SACS: variants seen among roughly 807,000 people sequenced by gnomAD.
SACS encodes sacsin.
SACS carries 197 observed loss-of-function variants against 348.0 expected under a neutral mutation model. The observed-to-expected ratio is 0.57, with a 90% CI of 0.50 to 0.64. The LOEUF is 0.64. Ranked by LOEUF, SACS falls within the 30% of genes least tolerant of loss-of-function variation. The probability of loss-of-function intolerance (pLI) is 0.00; values close to 1 mark genes in which losing one functional copy is unlikely to be tolerated. For missense variants in SACS, 4,999 were observed against 5,360.8 expected, an observed-to-expected ratio of 0.93 and a Z score of 2.11; for synonymous variants, 1,985 against 1,910.6, an observed-to-expected ratio of 1.04 and a Z score of -1.02.
At chr13:23,374,520 C>T (rs1871618113) in intron 3 of SACS, among the ~76,000 whole-genome samples, 1 of 152,222 alleles carries the variant, frequency 6.6e-6, no homozygotes, top group Admixed American at 6.5e-5. Flanking sequence ...ATGTCTTCAA[C>T]TGAACTCTCC....
chr13:23,334,945 T>C lies in SACS; in HGVS notation c.8931A>G (p.Leu2977=), dbSNP rs376228714. ...RLDLQPDLYC[L]VKALYNCIHE... ...GAATGCAATTGTAAAGTGCTTTCAC[T>C]AGACAATATAAATCTGGCTGTAGAT... The change falls in exon 10 of 10, where the codon CTA becomes CTG. Residue 2977 remains leucine (L), a synonymous_variant. Transcript: ENST00000382292. 86 of 1,613,810 alleles carry C rather than the reference T, an allele frequency of 5.3e-5. No homozygotes were observed. Among genetic ancestry groups the C allele is most frequent in the Non-Finnish European group, 6.3e-5 (74 of 1,179,866 alleles).
Position 23,399,081 on chromosome 13 carries a change from A to G in SACS, c.20+12139T>C, listed in dbSNP as rs141681500. On this transcript the variant is annotated intron_variant, in intron 2 of 9. Transcript: ENST00000382292. Reference sequence around the variant, plus strand: ...AGTTAATTATTGATAGAGCAGGAGCATCGCCATCTTGGACAAGCCCCTCAT... The same window carrying G: ...AGTTAATTATTGATAGAGCAGGAGCGTCGCCATCTTGGACAAGCCCCTCAT... Among the ~76,000 whole-genome samples the G allele has an allele frequency of 7.6e-4, 115 of 151,106 alleles. 1 individual carries two copies. The East Asian group carries it at 0.022, about 29-fold the overall frequency.
chr13:23,383,708 C>T lies in SACS; in HGVS notation c.21-8439G>A, dbSNP rs146894253. ...CCCCCCAACACTGTTTAAGGAAAAA[C>T]GGCAATAAGTCCAGGACAAACGACG... On this transcript the variant is annotated intron_variant, in intron 2 of 9. Coordinates refer to ENST00000382292, the MANE Select transcript of SACS (RefSeq NM_014363.6). Among the ~76,000 whole-genome samples, 530 of 152,286 alleles carry T rather than the reference C, an allele frequency of 3.5e-3. 5 individuals carry two copies. The highest frequency in any genetic ancestry group is 5.8e-3 in the Non-Finnish European group (396 of 68,024).
intron 1 of SACS, among the ~76,000 whole-genome samples, chr13:23,426,111 G>A (rs1300294631): frequency 3.3e-5 from 5 of 152,114 alleles, no homozygotes; most frequent in Admixed American, 1.3e-4. Context: ...TTTAAATCCC[G>A]GTGGCTCCCA....
chr13:23,341,744 T>C (rs1018234736), intron 9 of SACS, 54 bp from the exon 10 acceptor site: 13 of 1,377,726 alleles, frequency 9.4e-6, no homozygotes, highest in Non-Finnish European at 1.3e-5. Flanking sequence ...CTACAACAGC[T>C]TTCTATTCTC....
In SACS at chr13:23,340,282, T is replaced by G. The variant is rs990624842; in HGVS notation, c.3594A>C (p.Ser1198=). ...DVGHAILIGS[S]LPLVESIHVN... is the part of the protein sequence containing the mutation. ...CATGGATACTTTCAACAAGAGGAAG[T>G]GAGGAGCCAATGAGAATTGCATGGC... Residue 1198 remains serine (S), a synonymous_variant, in exon 10 of 10, where the codon TCA becomes TCC. Transcript: ENST00000382292. The G allele has an allele frequency of 6.2e-7, 1 of 1,613,438 alleles. No individual in the cohort carries two copies. Among genetic ancestry groups the G allele is most frequent in the African/African-American group, 1.3e-5 (1 of 74,930 alleles).
At chr13:23,358,275 A>G (rs1870515975) in intron 7 of SACS, 60 bp downstream of exon 7, 46 of 1,562,586 alleles carry the variant, frequency 2.9e-5, no homozygotes, top group South Asian at 1.4e-4. Context: ...AACCAAATAC[A>G]TTACAGAATG....
rs370754041 is a variant in SACS, at chr13:23,333,478, A to C, written c.10398T>G (p.Ile3466Met). 5 of 1,613,110 alleles carry C rather than the reference A, an allele frequency of 3.1e-6. No homozygotes were observed. The African/African-American group carries it at 6.7e-5, about 22-fold the overall frequency. The stretch of plus-strand genomic sequence containing the variant: ...CAAGATCATCTACAGGTACACAACC[A>C]ATCACCTCATATAGTTCTTTTAAGT... ...KIHLKELYEV[I>M]GCVPVDDLEV... The change falls in exon 10 of 10, where the codon ATT becomes ATG. Residue 3466 changes from isoleucine to methionine, a missense_variant. Ile to Met is a conservative substitution (Grantham distance 10). This residue lies in a region of SACS where 734 missense variants were observed against 694.0 expected (regional missense o/e 1.06). Transcript: ENST00000382292.
chr13:23,386,763 C>T (rs1267021084), intron 2 of SACS, among the ~76,000 whole-genome samples: 1 of 152,118 alleles, frequency 6.6e-6, no homozygotes, highest in Non-Finnish European at 1.5e-5. Context: ...AGGTGAGAGA[C>T]TTGCAACTCT....
chr13:23,336,617 T>C lies in SACS; in HGVS notation c.7259A>G (p.Asn2420Ser). The C allele has an allele frequency of 6.2e-7, 1 of 1,613,730 alleles. No homozygotes were observed. Among genetic ancestry groups the C allele is most frequent in the South Asian group, 1.1e-5 (1 of 91,050 alleles). ...GATTATTCGTCGGCAAAGCTGAAAA[T>C]TCTCTTCTGTTATTTGCTTTGTTCC... ...ERGTKQITEE[N>S]FQLCRRIISE... The change falls in exon 10 of 10, where the codon AAT becomes AGT. Residue 2420 changes from asparagine (N) to serine (S), a missense_variant. By Grantham distance (46) the Asn-to-Ser change is conservative. Coordinates refer to ENST00000382292, the MANE Select transcript of SACS (RefSeq NM_014363.6).
chr13:23,332,336 A>G lies in SACS; in HGVS notation c.11540T>C (p.Ile3847Thr), dbSNP rs1330949976. Residue 3847 changes from isoleucine to threonine, a missense_variant, in exon 10 of 10, where the codon ATT becomes ACT. Transcript: ENST00000382292. Reference sequence around the variant, plus strand: ...TTCAACATATTGCTTAGTTGAAATAATATCTTCAGTACCTAAGTGTTTGAA... The same window carrying G: ...TTCAACATATTGCTTAGTTGAAATAGTATCTTCAGTACCTAAGTGTTTGAA... ...QLFKHLGTED[I>T]ISTKQYVEVL... The G allele has an allele frequency of 1.9e-6, 3 of 1,613,934 alleles. No individual in the cohort carries two copies. The highest frequency in any genetic ancestry group is 1.3e-5 in the African/African-American group (1 of 74,928).
chr13:23,410,685 C>CT (rs145584217), intron 2 of SACS, among the ~76,000 whole-genome samples: 9 of 150,978 alleles, frequency 6.0e-5, no homozygotes, highest in African/African-American at 1.2e-4. Context: ...AATATACATA[C>CT]TTTTTTTTTG....
intron 9 of SACS, among the ~76,000 whole-genome samples, chr13:23,352,227 G>C (rs1346131420): frequency 6.6e-6 from 1 of 152,142 alleles, no homozygotes; most frequent in Non-Finnish European, 1.5e-5. Flanking sequence ...TTCTTTAAAA[G>C]AAAGTAATAA....
chr13:23,412,139 G>T (rs973670836), intron 1 of SACS, among the ~76,000 whole-genome samples: 1 of 152,040 alleles, frequency 6.6e-6, no homozygotes, highest in Non-Finnish European at 1.5e-5. Context: ...GGCGCCTGTA[G>T]TCCCAGCTAC....
chr13:23,350,321 T>C (rs2137689035), intron 9 of SACS, among the ~76,000 whole-genome samples: 1 of 152,322 alleles, frequency 6.6e-6, no homozygotes, highest in Admixed American at 6.5e-5. Context: ...GAAGCTGGAC[T>C]ATGATAGAAT....
rs765073985 is a variant in SACS, at chr13:23,332,679, C to T, written c.11197G>A (p.Val3733Ile). Residue 3733 changes from valine to isoleucine, a missense_variant, in exon 10 of 10, where the codon GTT becomes ATT. Coordinates refer to ENST00000382292, the MANE Select transcript of SACS (RefSeq NM_014363.6). ...DLGPQEQLEQ[V>I]LNMLNVNLDP... ...AGGTTAACATTAAGCATATTTAAAA[C>T]TTGTTCAAGCTGTTCTTGTGGACCA... 1 of 1,613,892 alleles carries T rather than the reference C, an allele frequency of 6.2e-7. No homozygotes were observed. Among genetic ancestry groups the T allele is most frequent in the South Asian group, 1.1e-5 (1 of 91,078 alleles).
chr13:23,340,870 T>C lies in SACS; in HGVS notation c.3006A>G (p.Ala1002=). The C allele has an allele frequency of 6.2e-7, 1 of 1,608,742 alleles. No homozygotes were observed. Among genetic ancestry groups the C allele is most frequent in the Non-Finnish European group, 8.5e-7 (1 of 1,176,004 alleles). Residue 1002 remains alanine, a synonymous_variant, in exon 10 of 10, where the codon GCA becomes GCG. Coordinates refer to ENST00000382292, the MANE Select transcript of SACS (RefSeq NM_014363.6). ...GTGTTACCTCTTCATGTGAATAAAA[T>C]GCATTTTCAATATCTTTTAAAACAA... is the stretch of plus-strand genomic sequence containing the variant. ...LKLVLKDIEN[A]FYSHEEVTQL... is the part of the protein sequence containing the mutation.
rs1868956874 is a variant in SACS, at chr13:23,339,178, G to T, written c.4698C>A (p.Ile1566=). Residue 1566 remains isoleucine, a synonymous_variant, in exon 10 of 10, where the codon ATC becomes ATA. Transcript: ENST00000382292. ...GACTCATAATGATGGGAATGTCAGTGATATGGTACACAGAATTAAATCCAA... is the reference window on the plus strand; with the variant it reads ...GACTCATAATGATGGGAATGTCAGTTATATGGTACACAGAATTAAATCCAA... ...FGLGFNSVYH[I]TDIPIIMSRE... 2 of 1,612,918 alleles carry T rather than the reference G, an allele frequency of 1.2e-6. No individual in the cohort carries two copies. Among genetic ancestry groups the T allele is most frequent in the South Asian group, 1.1e-5 (1 of 90,794 alleles).
intron 9 of SACS, among the ~76,000 whole-genome samples, chr13:23,344,157 A>T (rs1021118749): frequency 6.6e-6 from 1 of 151,568 alleles, no homozygotes. Flanking sequence ...ATCATAAGAC[A>T]AGGATATAAT....
Sources: allele counts gnomAD v4.1 joint callset (sites outside exome capture counted in the v4.1 genomes callset), GRCh38; gene constraint gnomAD v4.1.1; regional missense constraint gnomAD v4.1.1; transcripts MANE v1.5; gene names NCBI Gene and HGNC (gene_info 2026-07-23, HGNC 2026-07-21).